GRIK2: variants seen among roughly 807,000 people sequenced by gnomAD.
The protein encoded by GRIK2 is glutamate ionotropic receptor kainate type subunit 2, also known as glutamate receptor ionotropic, kainate 2.
In GRIK2, 32 loss-of-function variants were observed where a neutral mutation model predicts 100.3. The ratio of observed to expected loss-of-function variants is 0.32; its 90% CI spans 0.24 to 0.43. GRIK2 has a LOEUF of 0.43. Ranked by LOEUF, GRIK2 falls within the 20% of genes least tolerant of loss-of-function variation. The pLI is 1.00. For missense variants in GRIK2, 843 were observed against 1,114.9 expected (o/e 0.76, Z 3.47); for synonymous variants, 417 against 389.4 (o/e 1.07, Z -0.83).
intron 9 of GRIK2, among the ~76,000 whole-genome samples, chr6:101,813,642 G>C (rs944595805): frequency 1.3e-5 from 2 of 151,988 alleles, no homozygotes; most frequent in African/African-American, 4.8e-5. Flanking sequence ...AAAATAAAGA[G>C]AGGCAGTGTT....
intron 7 of GRIK2, among the ~76,000 whole-genome samples, chr6:101,757,279 T>G (rs1478746357): frequency 6.6e-6 from 1 of 152,158 alleles, no homozygotes; most frequent in Non-Finnish European, 1.5e-5. Context: ...CAATTAATAT[T>G]TATACAGTAC....
chr6:101,452,094 T>A (rs1003117150), intron 2 of GRIK2, among the ~76,000 whole-genome samples: 1 of 151,936 alleles, frequency 6.6e-6, no homozygotes, highest in East Asian at 1.9e-4. Flanking sequence ...ATGTTTCTTA[T>A]GAAAGTGACA....
chr6:102,001,834 G>A (rs1422644888), intron 14 of GRIK2, among the ~76,000 whole-genome samples: 1 of 151,496 alleles, frequency 6.6e-6, no homozygotes, highest in Admixed American at 6.6e-5. Context: ...TCCTTCACTT[G>A]TTATATGAAA....
Position 101,779,254 on chromosome 6 carries a change from G to C in GRIK2, c.952-20394G>C, listed in dbSNP as rs1778931931. Reference sequence around the variant, plus strand: ...TGACTAAGCCTATTTCTGTGGCAATGGCTCAGCCATAGAAATTAGCATTTG... The same window carrying C: ...TGACTAAGCCTATTTCTGTGGCAATCGCTCAGCCATAGAAATTAGCATTTG... On this transcript the variant is annotated intron_variant, in intron 7 of 16. Coordinates refer to ENST00000369134, the MANE Select transcript of GRIK2 (RefSeq NM_021956.5). Among the ~76,000 whole-genome samples, 3 of 151,988 alleles carry C rather than the reference G, an allele frequency of 2.0e-5. No individual in the cohort carries two copies. The South Asian group carries it at 6.2e-4, about 31-fold the overall frequency.
chr6:101,555,410 T>C (rs1265676196), intron 2 of GRIK2, among the ~76,000 whole-genome samples: 1 of 152,194 alleles, frequency 6.6e-6, no homozygotes, highest in Non-Finnish European at 1.5e-5. Context: ...AGAAAACATC[T>C]GGCTCAGTAG....
chr6:101,406,477 T>C (rs928229247), intron 2 of GRIK2, among the ~76,000 whole-genome samples: 1 of 152,202 alleles, frequency 6.6e-6, no homozygotes, highest in African/African-American at 2.4e-5. Context: ...CTGATACATA[T>C]ACTTCTATCA....
At chr6:101,481,956 C>T (rs1196927101) in intron 2 of GRIK2, among the ~76,000 whole-genome samples, 2 of 152,120 alleles carry the variant, frequency 1.3e-5, no homozygotes, top group Non-Finnish European at 2.9e-5. Context: ...CTCCTTCCTG[C>T]TGCCCTGTGA....
At chr6:101,703,019 C>T (rs766308415) in intron 7 of GRIK2, among the ~76,000 whole-genome samples, 99 of 151,850 alleles carry the variant, frequency 6.5e-4, no homozygotes, top group Non-Finnish European at 1.1e-3. Context: ...GTTTTGTTTA[C>T]TAGTGTATTA....
chr6:101,901,607 A>G (rs1336793276), intron 12 of GRIK2, among the ~76,000 whole-genome samples: 1 of 151,898 alleles, frequency 6.6e-6, no homozygotes, highest in Non-Finnish European at 1.5e-5. Context: ...AGTAATAAGA[A>G]TAAGTCATAA....
chr6:101,897,716 A>G (rs1313966102), intron 12 of GRIK2, among the ~76,000 whole-genome samples: 1 of 151,932 alleles, frequency 6.6e-6, no homozygotes. Context: ...ACATAAAGAT[A>G]ATGAAGAAAT....
intron 16 of GRIK2, among the ~76,000 whole-genome samples, chr6:102,060,173 A>G (rs977013394): frequency 6.6e-5 from 10 of 150,622 alleles, no homozygotes; most frequent in African/African-American, 9.7e-5. Flanking sequence ...AGCTGTTTCT[A>G]TTATAGAACA....
At chr6:101,847,890 C>G (rs958671960) in intron 10 of GRIK2, among the ~76,000 whole-genome samples, 1 of 151,916 alleles carries the variant, frequency 6.6e-6, no homozygotes, top group African/African-American at 2.4e-5. Flanking sequence ...TATTTCTTGC[C>G]CCTACTTTTC....
At chr6:101,953,804 A>G (rs1409481750) in intron 14 of GRIK2, among the ~76,000 whole-genome samples, 2 of 152,064 alleles carry the variant, frequency 1.3e-5, no homozygotes, top group Non-Finnish European at 2.9e-5. Flanking sequence ...CTTGCTTTTG[A>G]TGTTATATCA....
chr6:102,027,687 C>T (rs2114393230), intron 14 of GRIK2, among the ~76,000 whole-genome samples: 2 of 151,132 alleles, frequency 1.3e-5, no homozygotes, highest in East Asian at 3.9e-4. Context: ...GGAGGTTACA[C>T]AAATATTGAT....
chr6:102,049,340 C>T (rs1456831063), intron 15 of GRIK2, among the ~76,000 whole-genome samples: 2 of 151,826 alleles, frequency 1.3e-5, no homozygotes, highest in African/African-American at 4.8e-5. Context: ...CATGTAATAA[C>T]AATAGTAATT....
At chr6:101,536,919 AT>A (rs1404974689) in intron 2 of GRIK2, among the ~76,000 whole-genome samples, 1 of 151,734 alleles carries the variant, frequency 6.6e-6, no homozygotes, top group Non-Finnish European at 1.5e-5. Context: ...TGTGTTTATA[AT>A]TTTTATCTTC....
At chr6:101,891,524 A>G in intron 12 of GRIK2, 1 of 391,662 alleles carries the variant, frequency 2.6e-6, no homozygotes, top group South Asian at 1.9e-5. Flanking sequence ...CTCAAAAAAA[A>G]AAAAAAAAAA....
intron 12 of GRIK2, among the ~76,000 whole-genome samples, chr6:101,894,897 C>G (rs1203971934): frequency 2.0e-5 from 3 of 151,432 alleles, no homozygotes; most frequent in Non-Finnish European, 4.4e-5. Flanking sequence ...AAGACCAAAC[C>G]TAAAAGAAAG....
At chr6:101,879,428 T>C (rs4840200) in intron 11 of GRIK2, among the ~76,000 whole-genome samples, 12,890 of 151,978 alleles carry the variant, frequency 0.085, 1,274 homozygotes, top group East Asian at 0.52. Flanking sequence ...CCATTTATTT[T>C]GGGAATGGAC....
Sources: gnomAD v4.1 joint callset for allele counts (sites outside exome capture counted in the v4.1 genomes callset) on GRCh38, gnomAD v4.1.1 for gene constraint, MANE v1.5 for transcripts, NCBI Gene and HGNC (gene_info 2026-07-23, HGNC 2026-07-21) for gene names.